The following RB1 variants were observed in gnomAD, a reference collection of about 807,000 sequenced individuals.
RB1 encodes retinoblastoma-associated protein.
RB1 carries 18 observed loss-of-function variants against 135.4 expected under a neutral mutation model. That is an observed-to-expected ratio of 0.13 (90% CI 0.09 to 0.20). The LOEUF (loss-of-function observed/expected upper bound fraction) is 0.20, where lower values mean the gene tolerates loss of function less well. RB1 is among the 10% of genes least tolerant of loss of function. The pLI is 1.00. For missense variants in RB1, 868 were observed against 1,110.0 expected (o/e 0.78, Z 3.10); for synonymous variants, 365 against 373.2 (o/e 0.98, Z 0.25).
chr13:48,433,687 T>TTA (rs2138285280), intron 17 of RB1, among the ~76,000 whole-genome samples: 1 of 151,806 alleles, frequency 6.6e-6, no homozygotes, highest in Admixed American at 6.6e-5. Context: ...AATGCATTTT[T>TTA]TTTTTTTTAC....
At chr13:48,317,449 CT>C in intron 2 of RB1, 2 of 416,480 alleles carry the variant, frequency 4.8e-6, no homozygotes, top group South Asian at 2.6e-5. Flanking sequence ...TCCAGAGTCC[CT>C]TTCAGCTTCC....
At chr13:48,393,396 C>G (rs757601902) in intron 17 of RB1, among the ~76,000 whole-genome samples, 2 of 152,208 alleles carry the variant, frequency 1.3e-5, no homozygotes, top group Non-Finnish European at 2.9e-5. Context: ...GGACCATAAA[C>G]TGTCCCCAGG....
intron 26 of RB1, 89 bp from the exon 27 acceptor site, chr13:48,479,909 G>A: frequency 9.8e-7 from 1 of 1,018,392 alleles, no homozygotes; most frequent in South Asian, 1.4e-5. Context: ...AGCGCCATCA[G>A]TTTGACATGA....
rs533324038 is a variant in RB1, at chr13:48,306,546, A to G, written c.138-734A>G. On this transcript the variant is annotated intron_variant, in intron 1 of 26. Transcript: ENST00000267163. ...CCTCTTACCGGCTGAGACCTCAGGT[A>G]AGTTCTTTAACTTCTCCAATTTGAC... Among the ~76,000 whole-genome samples, 5 of 152,324 alleles carry G rather than the reference A, an allele frequency of 3.3e-5. No individual in the cohort carries two copies. The East Asian group carries it at 9.6e-4, about 29-fold the overall frequency.
chr13:48,421,716 C>G (rs1566218942), intron 17 of RB1, among the ~76,000 whole-genome samples: 1 of 152,170 alleles, frequency 6.6e-6, no homozygotes, highest in African/African-American at 2.4e-5. Flanking sequence ...AGGATATGAA[C>G]TGACACTTCT....
At chr13:48,435,917 C>T (rs187562230) in intron 17 of RB1, among the ~76,000 whole-genome samples, 336 of 152,252 alleles carry the variant, frequency 2.2e-3, no homozygotes, top group African/African-American at 7.8e-3. Flanking sequence ...TTAATAATTG[C>T]ATTAAATGTC....
intron 17 of RB1, chr13:48,412,602 C>A: frequency 1.6e-6 from 1 of 627,242 alleles, no homozygotes. Context: ...AAATTTGTTG[C>A]TGTAAAATTT....
Position 48,345,070 on chromosome 13 carries a change from T to A in RB1, c.381-10T>A. On this transcript the variant is annotated splice_polypyrimidine_tract_variant and intron_variant, in intron 3 of 26. Coordinates refer to ENST00000267163, the MANE Select transcript of RB1 (RefSeq NM_000321.3). ...TACTGATTTACTTTTTTCTATTCTT[T>A]CCTTTGTAGTGTCCATAAATTCTTT... 2 of 1,607,906 alleles carry A rather than the reference T, an allele frequency of 1.2e-6. No homozygotes were observed. The highest frequency in any genetic ancestry group is 1.7e-6 in the Non-Finnish European group (2 of 1,177,052).
intron 2 of RB1, chr13:48,318,854 C>T (rs1952209674): frequency 5.8e-6 from 6 of 1,028,038 alleles, no homozygotes; most frequent in Non-Finnish European, 6.0e-6. Context: ...CCGACTATGC[C>T]TTGAGGGTCA....
chr13:48,320,504 G>A, intron 2 of RB1: 1 of 631,602 alleles, frequency 1.6e-6, no homozygotes, highest in Non-Finnish European at 2.8e-6. Context: ...CGCGCAGAGG[G>A]ACGACGCTTT....
Position 48,348,646 on chromosome 13 carries a change from A to T in RB1, c.540-310A>T, listed in dbSNP as rs533228388. 4.8e-4 allele frequency among the ~76,000 whole-genome samples: 73 copies of T among 150,710 alleles called. 2 individuals carry two copies. The South Asian group carries it at 0.014, about 29-fold the overall frequency. ...AAATATTCAGTATTTCTTTTACAAA[A>T]TTTTTCTTTCAAAATGTATACTTTT... On this transcript the variant is annotated intron_variant, in intron 5 of 26. Transcript: ENST00000267163.
rs2138084210 is a variant in RB1 at position 48,342,731 on chromosome 13, A to G, written c.380+17A>G. ...AGAAATCAGGTAAAGTTTCTTGTAT[A>G]AATATAAGCCTCTGCCATAAAAGGA... On this transcript the variant is annotated intron_variant, in intron 3 of 26. Transcript: ENST00000267163. The G allele has an allele frequency of 6.6e-7, 1 of 1,508,150 alleles. No homozygotes were observed. Among genetic ancestry groups the G allele is most frequent in the Non-Finnish European group, 9.2e-7 (1 of 1,084,300 alleles). 93.4% of individuals were successfully genotyped at this position (1,508,150 alleles called of 1,614,324 possible).
intron 17 of RB1, among the ~76,000 whole-genome samples, chr13:48,382,933 A>G (rs1948547231): frequency 6.6e-6 from 1 of 152,154 alleles, no homozygotes; most frequent in Non-Finnish European, 1.5e-5. Context: ...TTTTCCCAGC[A>G]CCATTTATTA....
chr13:48,318,283 C>T (rs2138051271), intron 2 of RB1: 2 of 1,056,444 alleles, frequency 1.9e-6, no homozygotes, highest in East Asian at 2.7e-5. Flanking sequence ...CTCGGGAGCC[C>T]GCCCAGCTGC....
chr13:48,330,813 A>T (rs1952327611), intron 2 of RB1, among the ~76,000 whole-genome samples: 1 of 152,236 alleles, frequency 6.6e-6, no homozygotes, highest in Non-Finnish European at 1.5e-5. Context: ...GGCTAGCATT[A>T]CCTTGATACC....
intron 17 of RB1, among the ~76,000 whole-genome samples, chr13:48,440,690 T>A (rs546461243): frequency 2.0e-5 from 3 of 152,314 alleles, no homozygotes; most frequent in African/African-American, 7.2e-5. Flanking sequence ...AATTTAAAAT[T>A]GTAGTTGCAC....
chr13:48,456,406 A>T, intron 19 of RB1, 57 bp downstream of exon 19: 1 of 1,594,550 alleles, frequency 6.3e-7, no homozygotes, highest in Non-Finnish European at 8.6e-7. Flanking sequence ...GACTGGGTTC[A>T]AATCATGTTT....
intron 17 of RB1, among the ~76,000 whole-genome samples, chr13:48,398,184 A>G (rs1167228096): frequency 1.3e-5 from 2 of 152,202 alleles, no homozygotes; most frequent in Non-Finnish European, 2.9e-5. Context: ...TAAAATAACC[A>G]TGTATTTACT....
chr13:48,471,642 G>C, intron 23 of RB1, among the ~76,000 whole-genome samples: 1 of 150,420 alleles, frequency 6.6e-6, no homozygotes, highest in Non-Finnish European at 1.5e-5. Flanking sequence ...TTTCCTGACT[G>C]TTAGGTATCT....
Sources: gnomAD v4.1 joint callset for allele counts (sites outside exome capture counted in the v4.1 genomes callset) on GRCh38, gnomAD v4.1.1 for gene constraint, MANE v1.5 for transcripts, NCBI Gene and HGNC (gene_info 2026-07-23, HGNC 2026-07-21) for gene names.